DIAPH3: variants seen among roughly 807,000 people sequenced by gnomAD.
DIAPH3 encodes the protein diaphanous related formin 3.
In DIAPH3, 117 loss-of-function variants were observed where a neutral mutation model predicts 144.3. The observed-to-expected ratio is 0.81, with a 90% CI of 0.70 to 0.95. The LOEUF (loss-of-function observed/expected upper bound fraction) is 0.95, where lower values mean the gene tolerates loss of function less well. Ranked by LOEUF, DIAPH3 falls within the 40% of genes least tolerant of loss-of-function variation. The pLI is 0.00. For synonymous variants in DIAPH3, 519 were observed against 488.9 expected, an observed-to-expected ratio of 1.06 and a Z score of -0.81; for missense variants, 1,421 against 1,412.7, an observed-to-expected ratio of 1.01 and a Z score of -0.09.
intron 4 of DIAPH3, among the ~76,000 whole-genome samples, chr13:60,082,062 C>T (rs948664262): frequency 4.6e-5 from 7 of 151,260 alleles, no homozygotes; most frequent in Non-Finnish European, 8.9e-5. Flanking sequence ...AGTGAGCTAA[C>T]AGACATTAAG....
At chr13:60,143,153 G>A (rs1951353181) in intron 1 of DIAPH3, among the ~76,000 whole-genome samples, 2 of 152,052 alleles carry the variant, frequency 1.3e-5, no homozygotes, top group Admixed American at 6.5e-5. Context: ...AGACACTACC[G>A]CAGTCCTCTC....
intron 21 of DIAPH3, among the ~76,000 whole-genome samples, chr13:59,873,825 C>T (rs2044436633): frequency 6.6e-6 from 1 of 151,934 alleles, no homozygotes; most frequent in Non-Finnish European, 1.5e-5. Context: ...GCGCCTGCCA[C>T]TATGCCCAGA....
At chr13:59,731,703 C>A (rs141233182) in intron 27 of DIAPH3, among the ~76,000 whole-genome samples, 1 of 151,966 alleles carries the variant, frequency 6.6e-6, no homozygotes, top group Non-Finnish European at 1.5e-5. Flanking sequence ...AAAGATCATA[C>A]GAGTTTGCTT....
intron 20 of DIAPH3, among the ~76,000 whole-genome samples, chr13:59,907,894 T>C (rs1313320597): frequency 2.6e-5 from 4 of 152,162 alleles, no homozygotes; most frequent in African/African-American, 9.7e-5. Flanking sequence ...GACATAAATA[T>C]GAACATGAAA....
At position 59,869,364 on chromosome 13, in the gene DIAPH3, T is replaced by C. The variant is rs370285118; in HGVS notation, c.2608-7828A>G. Among the ~76,000 whole-genome samples the C allele has an allele frequency of 5.9e-5, 9 of 152,294 alleles. No individual in the cohort carries two copies. The East Asian group carries it at 1.4e-3, about 23-fold the overall frequency. The stretch of plus-strand genomic sequence containing the variant: ...CCTCTTAGGGTCCTTGCTGGTCTGA[T>C]AATTTAATTTGACATGAGAGAGATT... On this transcript the variant is annotated intron_variant, in intron 21 of 27. Coordinates refer to ENST00000400324, the MANE Select transcript of DIAPH3 (RefSeq NM_001042517.2).
chr13:60,061,537 TAA>T (rs200950589), intron 4 of DIAPH3, among the ~76,000 whole-genome samples: 31 of 145,504 alleles, frequency 2.1e-4, no homozygotes, highest in Non-Finnish European at 3.5e-4. Context: ...CCATAACATT[TAA>T]AAAAAAAAAA....
At chr13:60,050,852 G>A (rs1475915616) in intron 4 of DIAPH3, among the ~76,000 whole-genome samples, 1 of 151,952 alleles carries the variant, frequency 6.6e-6, no homozygotes, top group Non-Finnish European at 1.5e-5. Flanking sequence ...GAAGACTACT[G>A]CATTGTCTGG....
At chr13:60,121,653 C>T (rs951453643) in intron 2 of DIAPH3, among the ~76,000 whole-genome samples, 1 of 152,102 alleles carries the variant, frequency 6.6e-6, no homozygotes, top group Admixed American at 6.6e-5. Flanking sequence ...TCAAAGAAGA[C>T]GACAGACTTC....
intron 2 of DIAPH3, among the ~76,000 whole-genome samples, chr13:60,118,441 G>A (rs1165810627): frequency 1.3e-5 from 2 of 152,136 alleles, no homozygotes. Context: ...TTAGAACCCA[G>A]AAGGGAGTAG....
At chr13:59,798,398 C>A (rs1278249716) in intron 25 of DIAPH3, among the ~76,000 whole-genome samples, 1 of 152,162 alleles carries the variant, frequency 6.6e-6, no homozygotes, top group African/African-American at 2.4e-5. Context: ...AATTTAGCAT[C>A]ATTTCTGCCC....
intron 2 of DIAPH3, among the ~76,000 whole-genome samples, chr13:60,115,950 C>T (rs9538564): frequency 0.76 from 114,964 of 151,878 alleles, 43,661 homozygotes; most frequent in Admixed American, 0.81. Flanking sequence ...AGTGAAACTA[C>T]CCTTCATAAG....
intron 22 of DIAPH3, among the ~76,000 whole-genome samples, chr13:59,853,804 C>A (rs1382593480): frequency 6.6e-6 from 1 of 152,020 alleles, no homozygotes; most frequent in Admixed American, 6.6e-5. Context: ...ACTTTAAAAA[C>A]CAAACTATTT....
At chr13:59,981,261 GAATA>G (rs1420089016) in intron 13 of DIAPH3, among the ~76,000 whole-genome samples, 2 of 151,376 alleles carry the variant, frequency 1.3e-5, no homozygotes, top group Admixed American at 6.6e-5. Context: ...CAAAACAGAT[GAATA>G]AATGTTTATT....
intron 17 of DIAPH3, among the ~76,000 whole-genome samples, chr13:59,962,876 C>T (rs912882196): frequency 8.5e-5 from 13 of 152,050 alleles, no homozygotes; most frequent in African/African-American, 3.1e-4. Context: ...GATATTTCAA[C>T]TTAACTAAAA....
chr13:59,865,656 C>T (rs552110768), intron 21 of DIAPH3, among the ~76,000 whole-genome samples: 3 of 152,038 alleles, frequency 2.0e-5, no homozygotes, highest in Non-Finnish European at 2.9e-5. Context: ...CCACTCTGTT[C>T]ATTCCAGACA....
At chr13:60,005,716 C>T (rs901439290) in intron 9 of DIAPH3, among the ~76,000 whole-genome samples, 1 of 152,116 alleles carries the variant, frequency 6.6e-6, no homozygotes, top group Admixed American at 6.5e-5. Context: ...CTCCTGACCT[C>T]ATGATCTGCC....
At chr13:60,124,991 T>A (rs1483652858) in intron 2 of DIAPH3, among the ~76,000 whole-genome samples, 1 of 152,178 alleles carries the variant, frequency 6.6e-6, no homozygotes, top group African/African-American at 2.4e-5. Context: ...CTGCCCTCTA[T>A]GACTCTGAAT....
In DIAPH3 at chr13:60,112,026, AG is replaced by A; in HGVS notation, c.373del (p.Leu125PhefsTer5). On this transcript the variant is annotated frameshift_variant, in exon 3 of 28. Transcript: ENST00000400324. LOFTEE classifies it high-confidence loss of function. ...AATTCTTACCATCATTTTTTCAAAA[AG>A]TTCTAAGAGTTCATTCTCTGACAGT... ...KPLSENELLE[L>X]FEKMMEDMNL... 6.2e-7 allele frequency: 1 copy of A among 1,614,066 alleles called. No individual in the cohort carries two copies. Among genetic ancestry groups the A allele is most frequent in the Non-Finnish European group, 8.5e-7 (1 of 1,179,984 alleles).
At chr13:59,782,809 G>A (rs984154139) in intron 25 of DIAPH3, among the ~76,000 whole-genome samples, 12 of 152,170 alleles carry the variant, frequency 7.9e-5, no homozygotes, top group South Asian at 6.2e-4. Context: ...TTAAAGAACC[G>A]ATTTAAGAGT....
Sources: gnomAD v4.1 joint callset for allele counts (sites outside exome capture counted in the v4.1 genomes callset) on GRCh38, gnomAD v4.1.1 for gene constraint, MANE v1.5 for transcripts, NCBI Gene and HGNC (gene_info 2026-07-23, HGNC 2026-07-21) for gene names.